The following CLDN14 variants were observed in gnomAD, a reference collection of about 807,000 sequenced individuals.
CLDN14 encodes claudin 14.
Under a neutral mutation model 2.1 loss-of-function variants are expected in CLDN14, and 2 were observed. That is an observed-to-expected ratio of 0.96 (90% CI 0.39 to 3.01). The LOEUF is 3.01. Ranked by LOEUF, CLDN14 falls within the 30% of genes most tolerant of loss-of-function variation. CLDN14 has a pLI of 0.09. For synonymous variants in CLDN14, 136 were observed against 154.4 expected (o/e 0.88, Z 0.88); for missense variants, 298 against 328.0 (o/e 0.91, Z 0.71).
intron 1 of CLDN14, among the ~76,000 whole-genome samples, chr21:36,539,581 G>C: frequency 6.7e-6 from 1 of 150,030 alleles, no homozygotes; most frequent in South Asian, 2.1e-4. Flanking sequence ...TGCAGTTTGT[G>C]TGGAGTGAGT....
chr21:36,567,638 T>G (rs571823905), intron 1 of CLDN14, among the ~76,000 whole-genome samples: 13 of 152,212 alleles, frequency 8.5e-5, no homozygotes, highest in Non-Finnish European at 1.9e-4. Flanking sequence ...GAGAACAGTT[T>G]CCATTTAGTG....
At chr21:36,486,150 C>T (rs962739054) in intron 2 of CLDN14, 7 of 1,273,692 alleles carry the variant, frequency 5.5e-6, no homozygotes, top group Non-Finnish European at 8.0e-6. Flanking sequence ...TAATCATCCT[C>T]CTCCTTGGCT....
intron 1 of CLDN14, among the ~76,000 whole-genome samples, chr21:36,571,190 T>A (rs1278113726): frequency 6.6e-6 from 1 of 152,218 alleles, no homozygotes; most frequent in Non-Finnish European, 1.5e-5. Context: ...GAAAGCTGAA[T>A]GTTCTTGGAG....
chr21:36,525,525 A>G (rs751380357), intron 1 of CLDN14, among the ~76,000 whole-genome samples: 11 of 152,196 alleles, frequency 7.2e-5, no homozygotes, highest in African/African-American at 2.4e-4. Flanking sequence ...CTCAGCCACA[A>G]CAGGGGACAC....
In CLDN14 at chr21:36,568,930, A is replaced by G. The variant is rs930982214; in HGVS notation, c.-220+7481T>C. The stretch of plus-strand genomic sequence containing the variant: ...GATTAACCAGTTTGACTTTTTTATT[A>G]TTCATTTCTGAATTGAGTGGTTCTA... On this transcript the variant is annotated intron_variant, in intron 1 of 2. Transcript: ENST00000342108. 2.0e-5 allele frequency among the ~76,000 whole-genome samples: 3 copies of G among 152,184 alleles called. No individual in the cohort carries two copies. In the East Asian group the frequency reaches 5.8e-4, roughly 29 times the overall value.
At chr21:36,489,131 A>AAATATATATAT in intron 2 of CLDN14, among the ~76,000 whole-genome samples, 31 of 62,750 alleles carry the variant, frequency 4.9e-4, no homozygotes, top group South Asian at 1.2e-3. Context: ...AAAAAAAAAA[A>AAATATATATAT]ATATATATAT....
intron 1 of CLDN14, among the ~76,000 whole-genome samples, chr21:36,540,416 C>A: frequency 6.6e-6 from 1 of 152,090 alleles, no homozygotes; most frequent in Non-Finnish European, 1.5e-5. Flanking sequence ...GAATGTGGAA[C>A]CTGCGGGTAT....
intron 1 of CLDN14, among the ~76,000 whole-genome samples, chr21:36,513,094 AC>A (rs1004548352): frequency 1.3e-5 from 2 of 152,078 alleles, no homozygotes; most frequent in African/African-American, 4.8e-5. Flanking sequence ...CCTGTGTCTC[AC>A]GAGATATCTG....
intron 1 of CLDN14, among the ~76,000 whole-genome samples, chr21:36,524,992 C>T (rs1390949532): frequency 6.6e-6 from 1 of 152,206 alleles, no homozygotes; most frequent in Non-Finnish European, 1.5e-5. Flanking sequence ...CCCTCAAGAG[C>T]CTTCTCCATC....
upstream of CLDN14, among the ~76,000 whole-genome samples, chr21:36,483,888 G>C (rs1385166295): frequency 6.6e-6 from 1 of 152,160 alleles, no homozygotes; most frequent in African/African-American, 2.4e-5. Flanking sequence ...GATATAGGCA[G>C]GAAAAGAAGC....
chr21:36,548,189 C>A (rs2146515373), intron 1 of CLDN14, among the ~76,000 whole-genome samples: 1 of 152,084 alleles, frequency 6.6e-6, no homozygotes, highest in East Asian at 1.9e-4. Context: ...CCTTCCTCCA[C>A]TCCCCTAGTA....
chr21:36,550,903 A>G (rs73380031), intron 1 of CLDN14, among the ~76,000 whole-genome samples: 14,278 of 152,232 alleles, frequency 0.094, 1,254 homozygotes, highest in African/African-American at 0.23. Context: ...TTATTTGGAA[A>G]TAGGATTGTT....
chr21:36,505,254 C>T (rs2087122144), intron 2 of CLDN14, among the ~76,000 whole-genome samples: 1 of 152,148 alleles, frequency 6.6e-6, no homozygotes, highest in African/African-American at 2.4e-5. Context: ...TTTCATATTT[C>T]ATTTTTCCAG....
At chr21:36,473,083 G>A (rs780963027) in intron 1 of CLDN14, among the ~76,000 whole-genome samples, 2 of 152,304 alleles carry the variant, frequency 1.3e-5, no homozygotes, top group African/African-American at 2.4e-5. Flanking sequence ...TGCAGTGTCC[G>A]TGATCCTGGG....
intron 2 of CLDN14, chr21:36,486,956 T>G: frequency 2.0e-6 from 1 of 502,426 alleles, no homozygotes; most frequent in Non-Finnish European, 3.8e-6. Flanking sequence ...AGGGCCATGT[T>G]GTTCTCAGGG....
At chr21:36,513,792 T>A (rs1321843004) in intron 1 of CLDN14, among the ~76,000 whole-genome samples, 1 of 152,176 alleles carries the variant, frequency 6.6e-6, no homozygotes, top group African/African-American at 2.4e-5. Flanking sequence ...AAGCAGCCCC[T>A]CAGTCTGGCC....
intron 1 of CLDN14, among the ~76,000 whole-genome samples, chr21:36,528,165 A>G (rs1174801127): frequency 6.6e-6 from 1 of 152,162 alleles, no homozygotes; most frequent in Non-Finnish European, 1.5e-5. Context: ...TCACTCTTGA[A>G]TTACTGTTAA....
chr21:36,495,106 TC>T (rs1288795647), intron 2 of CLDN14, among the ~76,000 whole-genome samples: 7 of 152,234 alleles, frequency 4.6e-5, no homozygotes, highest in African/African-American at 1.4e-4. Flanking sequence ...GGCTGGTGGA[TC>T]ACCTGAAGTC....
In CLDN14 at chr21:36,461,069, A is replaced by G; in HGVS notation, c.627T>C (p.Pro209=). 6.2e-7 allele frequency: 1 copy of G among 1,614,092 alleles called. No individual in the cohort carries two copies. Among genetic ancestry groups the G allele is most frequent in the Non-Finnish European group, 8.5e-7 (1 of 1,179,978 alleles). ...TGTAGGCAGCTGGTGGCTGGTAGGC[A>G]GGTGCGGTGTTTGCAGTGGTCGTGG... ...RATTTTANTA[P]AYQPPAAYKD... The change falls in exon 2 of 2, where the codon CCT becomes CCC. Residue 209 remains proline (P), a synonymous_variant. Coordinates refer to ENST00000399135, the MANE Select transcript of CLDN14 (RefSeq NM_001146079.2).
Sources: gnomAD v4.1 joint callset for allele counts (sites outside exome capture counted in the v4.1 genomes callset) on GRCh38, gnomAD v4.1.1 for gene constraint, MANE v1.5 for transcripts, NCBI Gene and HGNC (gene_info 2026-07-23, HGNC 2026-07-21) for gene names.